DENND5A: variants seen among roughly 807,000 people sequenced by gnomAD.
DENND5A encodes DENN domain containing 5A.
A neutral mutation model predicts 140.3 loss-of-function variants in DENND5A; 64 were observed. The ratio of observed to expected loss-of-function variants is 0.46; its 90% CI spans 0.37 to 0.56. The LOEUF (loss-of-function observed/expected upper bound fraction) is 0.56, where lower values mean the gene tolerates loss of function less well. Ranked by LOEUF, DENND5A falls within the 20% of genes least tolerant of loss-of-function variation. The pLI, the probability that DENND5A is intolerant of heterozygous loss-of-function variation, is 0.00. For missense variants in DENND5A, 1,292 were observed against 1,593.8 expected (o/e 0.81, Z 3.22); for synonymous variants, 605 against 607.7 (o/e 1.00, Z 0.07).
chr11:9,226,316 C>T (rs57655359), intron 1 of DENND5A, among the ~76,000 whole-genome samples: 6,906 of 152,194 alleles, frequency 0.045, 504 homozygotes, highest in African/African-American at 0.15. Flanking sequence ...TAGAACCCTA[C>T]GGTATAATTT....
At chr11:9,200,230 C>G (rs910466807) in intron 4 of DENND5A, among the ~76,000 whole-genome samples, 2 of 152,222 alleles carry the variant, frequency 1.3e-5, no homozygotes, top group Non-Finnish European at 2.9e-5. Flanking sequence ...TTCTAACACT[C>G]TATATAGTTT....
rs541709211 is a variant in DENND5A at position 9,258,769 on chromosome 11, T to C, written c.109+6192A>G. Among the ~76,000 whole-genome samples, 13 of 152,266 alleles carry C rather than the reference T, an allele frequency of 8.5e-5. No individual in the cohort carries two copies. The South Asian group carries it at 2.7e-3, about 32-fold the overall frequency. ...GGGAGACAAATATTCTCCCACTTTC[T>C]CAGGGCCTCAGTTTCCTCATCTGTA... On this transcript the variant is annotated intron_variant, in intron 1 of 22. Transcript: ENST00000328194.
intron 12 of DENND5A, among the ~76,000 whole-genome samples, chr11:9,156,086 G>A (rs568522470): frequency 1.2e-4 from 19 of 152,320 alleles, no homozygotes; most frequent in African/African-American, 4.1e-4. Flanking sequence ...GGGTGTGACC[G>A]CTGGATTGGA....
intron 8 of DENND5A, among the ~76,000 whole-genome samples, chr11:9,177,721 T>TAAAA (rs35643161): frequency 6.9e-6 from 1 of 144,866 alleles, no homozygotes. Context: ...TGACATCATT[T>TAAAA]AAAAAAAAAA....
intron 14 of DENND5A, 64 bp from the exon 15 acceptor site, chr11:9,150,273 T>C (rs1183408736): frequency 2.5e-6 from 4 of 1,580,788 alleles, no homozygotes; most frequent in Non-Finnish European, 3.4e-6. Flanking sequence ...TGCCAATAAC[T>C]TACCTGTAAA....
chr11:9,221,417 C>G (rs1302030976), intron 1 of DENND5A, among the ~76,000 whole-genome samples: 1 of 151,228 alleles, frequency 6.6e-6, no homozygotes, highest in African/African-American at 2.5e-5. Context: ...GATGACAGAG[C>G]AAGACTCCAT....
chr11:9,259,334 G>A (rs538337261), intron 1 of DENND5A, among the ~76,000 whole-genome samples: 39 of 151,122 alleles, frequency 2.6e-4, no homozygotes, highest in African/African-American at 8.7e-4. Context: ...CAACGCAGGC[G>A]GATCACAAGG....
intron 11 of DENND5A, among the ~76,000 whole-genome samples, chr11:9,163,689 A>T (rs1353218087): frequency 6.6e-6 from 1 of 151,994 alleles, no homozygotes; most frequent in African/African-American, 2.4e-5. Context: ...CTGTAATCCC[A>T]GCCACTCGGG....
intron 16 of DENND5A, among the ~76,000 whole-genome samples, chr11:9,146,244 G>A (rs1040822456): frequency 3.3e-5 from 5 of 152,182 alleles, no homozygotes; most frequent in African/African-American, 1.2e-4. Flanking sequence ...GAGAAAGAAA[G>A]TTTGCCTCGG....
At chr11:9,140,195 T>TAA (rs1847191178) in intron 22 of DENND5A, 3 of 1,350,242 alleles carry the variant, frequency 2.2e-6, no homozygotes. Flanking sequence ...TAACCTCACA[T>TAA]AACACTCAGC....
chr11:9,143,517 A>C (rs1469046554), intron 19 of DENND5A, 32 bp from the exon 20 acceptor site: 9 of 1,549,018 alleles, frequency 5.8e-6, no homozygotes, highest in Non-Finnish European at 7.1e-6. Flanking sequence ...TCCCTAACCA[A>C]TCTCTGAGGC....
At chr11:9,189,580 C>G (rs1849038661) in intron 5 of DENND5A, among the ~76,000 whole-genome samples, 1 of 151,702 alleles carries the variant, frequency 6.6e-6, no homozygotes, top group African/African-American at 2.4e-5. Context: ...CAGCCCAAGA[C>G]TATGGGAACC....
intron 1 of DENND5A, among the ~76,000 whole-genome samples, chr11:9,216,783 G>A (rs898362462): frequency 2.0e-5 from 3 of 152,160 alleles, no homozygotes; most frequent in Non-Finnish European, 4.4e-5. Context: ...GAGGTGGAGG[G>A]ATTGCTTGAG....
rs530996029 is a variant in DENND5A, at chr11:9,139,435, G to A, written c.*236C>T. On this transcript the variant is annotated 3_prime_UTR_variant, in exon 23 of 23. Coordinates refer to ENST00000328194, the MANE Select transcript of DENND5A (RefSeq NM_015213.4). ...GGAGGGCACCAGCTTCAAAATAAGC[G>A]GCACCAGCCTCGCTCCCTCTCCCTA... The A allele has an allele frequency of 1.1e-4, 55 of 489,106 alleles. No homozygotes were observed. Among genetic ancestry groups the A allele is most frequent in the African/African-American group, 6.0e-4 (31 of 51,812 alleles). The allele number at this position is 489,106 out of a possible 1,614,324, so 30.3% of individuals were successfully genotyped here.
chr11:9,246,270 A>C (rs1851466874), intron 1 of DENND5A, among the ~76,000 whole-genome samples: 1 of 152,170 alleles, frequency 6.6e-6, no homozygotes, highest in South Asian at 2.1e-4. Context: ...TGTCTTTCAG[A>C]AATTCAGACA....
At chr11:9,169,794 G>T in intron 10 of DENND5A, 62 bp downstream of exon 10, 1 of 1,041,666 alleles carries the variant, frequency 9.6e-7, no homozygotes, top group Non-Finnish European at 1.5e-6. Flanking sequence ...CAGGAAATGA[G>T]AAAGAGAAGG....
intron 1 of DENND5A, among the ~76,000 whole-genome samples, chr11:9,259,376 G>C (rs1852090733): frequency 6.6e-6 from 1 of 151,356 alleles, no homozygotes; most frequent in Non-Finnish European, 1.5e-5. Context: ...GGCTAACACG[G>C]TGACACCCCA....
intron 12 of DENND5A, among the ~76,000 whole-genome samples, chr11:9,159,258 C>A (rs1280261754): frequency 1.3e-5 from 2 of 151,776 alleles, no homozygotes; most frequent in African/African-American, 2.4e-5. Context: ...TGATAAATAT[C>A]TGGGTCATAA....
At chr11:9,218,793 G>T (rs544230686) in intron 1 of DENND5A, among the ~76,000 whole-genome samples, 1 of 152,174 alleles carries the variant, frequency 6.6e-6, no homozygotes, top group South Asian at 2.1e-4. Flanking sequence ...ATCACCTGAG[G>T]TCAGGAGTGC....
Sources: allele counts gnomAD v4.1 joint callset (sites outside exome capture counted in the v4.1 genomes callset), GRCh38; gene constraint gnomAD v4.1.1; transcripts MANE v1.5; gene names NCBI Gene and HGNC (gene_info 2026-07-23, HGNC 2026-07-21).